The following DOCK3 variants were observed in gnomAD, a reference collection of about 807,000 sequenced individuals.
The protein encoded by DOCK3 is dedicator of cytokinesis 3, also known as dedicator of cytokinesis protein 3.
DOCK3 carries 60 observed loss-of-function variants against 265.6 expected under a neutral mutation model. The observed-to-expected ratio is 0.23, with a 90% CI of 0.18 to 0.28. The LOEUF (loss-of-function observed/expected upper bound fraction) is 0.28, where lower values mean the gene tolerates loss of function less well. DOCK3 is among the 10% of genes least tolerant of loss of function. The pLI is 1.00. For synonymous variants in DOCK3, 881 were observed against 938.0 expected, an observed-to-expected ratio of 0.94 and a Z score of 1.11; for missense variants, 1,981 against 2,594.3, an observed-to-expected ratio of 0.76 and a Z score of 5.14.
At chr3:51,065,366 G>A (rs2081555685) in intron 6 of DOCK3, among the ~76,000 whole-genome samples, 1 of 152,060 alleles carries the variant, frequency 6.6e-6, no homozygotes, top group Admixed American at 6.5e-5. Flanking sequence ...TTTGGGAGGG[G>A]CCCACCAATA....
chr3:50,739,108 A>G (rs1474183550), intron 1 of DOCK3, among the ~76,000 whole-genome samples: 1 of 152,142 alleles, frequency 6.6e-6, no homozygotes. Flanking sequence ...ATTTAAAAAC[A>G]TATTCTCTAA....
At chr3:50,777,556 T>A (rs960965948) in intron 1 of DOCK3, among the ~76,000 whole-genome samples, 1 of 152,320 alleles carries the variant, frequency 6.6e-6, no homozygotes, top group East Asian at 1.9e-4. Flanking sequence ...ATGGCATATG[T>A]TTCCATTTGT....
At chr3:51,068,553 A>AT in intron 6 of DOCK3, among the ~76,000 whole-genome samples, 1 of 79,636 alleles carries the variant, frequency 1.3e-5, no homozygotes, top group Non-Finnish European at 2.5e-5. Context: ...AAAAAAAAAA[A>AT]AAAAAAAAAG....
intron 1 of DOCK3, among the ~76,000 whole-genome samples, chr3:50,743,897 C>T (rs138524520): frequency 0.015 from 2,283 of 152,258 alleles, 29 homozygotes; most frequent in Non-Finnish European, 0.02. Context: ...TTCACATTCC[C>T]ACCAGCAGTG....
At chr3:51,255,683 T>G (rs2079507115) in intron 22 of DOCK3, among the ~76,000 whole-genome samples, 1 of 152,254 alleles carries the variant, frequency 6.6e-6, no homozygotes, top group Admixed American at 6.5e-5. Flanking sequence ...ATGCATCACA[T>G]AGTTCTCATG....
intron 7 of DOCK3, among the ~76,000 whole-genome samples, chr3:51,077,284 G>A (rs2082087922): frequency 6.6e-6 from 1 of 152,148 alleles, no homozygotes; most frequent in African/African-American, 2.4e-5. Context: ...TGTTTTCTTG[G>A]TAAAGATTTT....
intron 12 of DOCK3, among the ~76,000 whole-genome samples, chr3:51,202,303 C>A (rs2088841918): frequency 6.6e-6 from 1 of 150,856 alleles, no homozygotes; most frequent in African/African-American, 2.4e-5. Context: ...AGAGAAGAAT[C>A]AAATAGATGC....
intron 1 of DOCK3, chr3:50,685,834 G>A (rs2034757572): frequency 1.2e-5 from 2 of 166,110 alleles, no homozygotes; most frequent in Non-Finnish European, 2.8e-5. Flanking sequence ...TGGTGGCAGG[G>A]AGCTTTGGGG....
intron 2 of DOCK3, among the ~76,000 whole-genome samples, chr3:50,816,922 G>C (rs2675829): frequency 0.094 from 14,356 of 152,126 alleles, 838 homozygotes; most frequent in Non-Finnish European, 0.12. Flanking sequence ...CCCCAAGAGA[G>C]GATTCTTGGA....
chr3:51,368,011 G>T (rs1054684498), intron 49 of DOCK3, among the ~76,000 whole-genome samples: 2 of 152,174 alleles, frequency 1.3e-5, no homozygotes, highest in Non-Finnish European at 2.9e-5. Context: ...GGTGTTCTCT[G>T]TATTTCCTGA....
chr3:51,079,767 T>G (rs2082166286), intron 7 of DOCK3, among the ~76,000 whole-genome samples: 1 of 152,210 alleles, frequency 6.6e-6, no homozygotes, highest in African/African-American at 2.4e-5. Flanking sequence ...TGCGAAAATA[T>G]AAAGTATTTC....
intron 6 of DOCK3, 94 bp from the exon 7 acceptor site, chr3:51,075,262 C>T: frequency 1.0e-6 from 1 of 985,716 alleles, no homozygotes; most frequent in Non-Finnish European, 1.5e-6. Context: ...ATCCTCTGTC[C>T]ACAAGATGTG....
At chr3:51,244,242 A>T (rs1194414471) in intron 21 of DOCK3, among the ~76,000 whole-genome samples, 1 of 150,626 alleles carries the variant, frequency 6.6e-6, no homozygotes. Context: ...AAAAAATGCC[A>T]TTGGAATTGT....
intron 1 of DOCK3, among the ~76,000 whole-genome samples, chr3:50,771,486 A>G (rs188526887): frequency 5.3e-5 from 8 of 152,344 alleles, no homozygotes; most frequent in Admixed American, 5.2e-4. Flanking sequence ...GAACCCTTGT[A>G]TGCTGTTGGT....
At chr3:50,889,427 T>C (rs2048531635) in intron 3 of DOCK3, among the ~76,000 whole-genome samples, 1 of 151,326 alleles carries the variant, frequency 6.6e-6, no homozygotes, top group African/African-American at 2.4e-5. Flanking sequence ...CATCAGGAGA[T>C]GGGGGCGAAA....
intron 4 of DOCK3, among the ~76,000 whole-genome samples, chr3:50,901,942 G>A (rs2049225606): frequency 6.6e-6 from 1 of 152,142 alleles, no homozygotes; most frequent in African/African-American, 2.4e-5. Context: ...AAGAAAGAAA[G>A]CAGCTATTCT....
intron 32 of DOCK3, among the ~76,000 whole-genome samples, chr3:51,320,981 G>A (rs1044405720): frequency 6.6e-6 from 1 of 152,178 alleles, no homozygotes; most frequent in Admixed American, 6.5e-5. Context: ...CTCTGCTAAG[G>A]GTCAGACTGC....
intron 4 of DOCK3, among the ~76,000 whole-genome samples, chr3:50,906,955 G>A (rs2049548493): frequency 1.3e-5 from 2 of 151,970 alleles, no homozygotes; most frequent in Admixed American, 6.6e-5. Context: ...GGTATGTTGT[G>A]TCTTTGTTCT....
chr3:51,085,236 T>A (rs1258256381), intron 7 of DOCK3, among the ~76,000 whole-genome samples: 1 of 152,176 alleles, frequency 6.6e-6, no homozygotes, highest in African/African-American at 2.4e-5. Context: ...GTTGGGGACT[T>A]CAGCATTACA....
Sources: allele counts gnomAD v4.1 joint callset (sites outside exome capture counted in the v4.1 genomes callset), GRCh38; gene constraint gnomAD v4.1.1; transcripts MANE v1.5; gene names NCBI Gene and HGNC (gene_info 2026-07-23, HGNC 2026-07-21).